The following KRABD4 variants were observed in gnomAD, a reference collection of about 807,000 sequenced individuals.
KRABD4 encodes KRAB domain-containing protein 4.
At chrX:46,448,045 A>G in the KRABD4 span, among the ~76,000 whole-genome samples, 1 of 112,036 alleles carries the variant, frequency 8.9e-6, no homozygotes, top group South Asian at 3.8e-4. Flanking sequence ...CTCACTGAGG[A>G]TAATTGAGCT....
the KRABD4 span, chrX:46,450,290 T>C: frequency 5.5e-6 from 2 of 363,278 alleles, no homozygotes; most frequent in South Asian, 1.9e-4. Context: ...CTTAGTAGAG[T>C]TTCATGGAAA....
chrX:46,455,044 T>A, the KRABD4 span: 1 of 369,113 alleles, frequency 2.7e-6, no homozygotes. Flanking sequence ...TTTACTATTT[T>A]CCTCTTCAGT....
the KRABD4 span, among the ~76,000 whole-genome samples, chrX:46,457,720 G>C: frequency 1.1e-4 from 8 of 73,047 alleles, no homozygotes; most frequent in East Asian, 3.7e-3. Context: ...TTTCTGTTTT[G>C]GGGTTTTTGT....
the KRABD4 span, among the ~76,000 whole-genome samples, chrX:46,451,296 A>G: frequency 9.0e-6 from 1 of 111,704 alleles, no homozygotes; most frequent in Non-Finnish European, 1.9e-5. Context: ...ATGTCAATTT[A>G]ATGAACCAAA....
the KRABD4 span, among the ~76,000 whole-genome samples, chrX:46,449,983 C>G: frequency 6.3e-5 from 7 of 111,219 alleles, no homozygotes; most frequent in Non-Finnish European, 7.5e-5. Context: ...TCTCGAACTC[C>G]TGGGCTCCAG....
At chrX:46,462,488 C>A in the KRABD4 span, 5 of 359,296 alleles carry the variant, frequency 1.4e-5, no homozygotes, top group Non-Finnish European at 2.3e-5. Flanking sequence ...CCAGCCTGGG[C>A]GACAGAGCAA....
chrX:46,449,954 G>C, the KRABD4 span, among the ~76,000 whole-genome samples: 227 of 110,482 alleles, frequency 2.1e-3, 2 homozygotes, highest in Non-Finnish European at 2.4e-3. Flanking sequence ...ATGGGGTTTC[G>C]CCATGTTGCC....
At chrX:46,454,330 C>T in the KRABD4 span, 5 of 117,395 alleles carry the variant, frequency 4.3e-5, no homozygotes, top group East Asian at 7.3e-4. Flanking sequence ...TGAGATTCAT[C>T]TTCGCCCTCA....
chrX:46,464,810 A>G, the KRABD4 span, among the ~76,000 whole-genome samples: 1 of 112,084 alleles, frequency 8.9e-6, no homozygotes, highest in African/African-American at 3.2e-5. Context: ...CTGAGTCCCA[A>G]TTCCCTAAGA....
At chrX:46,464,823 A>C in the KRABD4 span, among the ~76,000 whole-genome samples, 1 of 111,910 alleles carries the variant, frequency 8.9e-6, no homozygotes, top group South Asian at 3.7e-4. Context: ...CCCTAAGAAA[A>C]ACTATATTAT....
the KRABD4 span, among the ~76,000 whole-genome samples, chrX:46,463,991 C>T: frequency 3.3e-3 from 360 of 109,388 alleles, no homozygotes; most frequent in African/African-American, 0.012. Context: ...TTATCAGATT[C>T]CTCCATTTTT....
the KRABD4 span, chrX:46,450,425 T>C: frequency 1.7e-6 from 2 of 1,189,889 alleles, no homozygotes; most frequent in Non-Finnish European, 2.3e-6. Flanking sequence ...AATTTTGCCT[T>C]TATAGATCTC....
chrX:46,473,391 T>G, the KRABD4 span: 3 of 1,197,433 alleles, frequency 2.5e-6, no homozygotes, highest in Non-Finnish European at 3.4e-6. Flanking sequence ...TGATTAAACA[T>G]AAGAAAATTC....
At chrX:46,463,364 G>A in the KRABD4 span, 2 of 1,040,102 alleles carry the variant, frequency 1.9e-6, no homozygotes, top group Admixed American at 4.4e-5. Flanking sequence ...TGGCCTCTGG[G>A]ATGTGCTCAG....
At chrX:46,472,900 A>G in the KRABD4 span, 1,040 of 1,210,249 alleles carry the variant, frequency 8.6e-4, 4 homozygotes, top group African/African-American at 0.016. Flanking sequence ...CTGAGCACAG[A>G]ATTTGATTCT....
chrX:46,471,617 T>C, the KRABD4 span, among the ~76,000 whole-genome samples: 7 of 112,013 alleles, frequency 6.2e-5, no homozygotes, highest in Non-Finnish European at 1.9e-5. Context: ...AAAAATCCCC[T>C]GTGCTTTGCT....
the KRABD4 span, chrX:46,472,515 T>G: frequency 5.8e-6 from 2 of 346,726 alleles, no homozygotes; most frequent in Non-Finnish European, 9.8e-6. Context: ...ATAAATTTAT[T>G]TTCTGGTTTG....
At chrX:46,457,067 G>T in the KRABD4 span, 2 of 353,579 alleles carry the variant, frequency 5.7e-6, no homozygotes, top group Non-Finnish European at 1.0e-5. Context: ...GGCTTTTGTT[G>T]TCCCTCCGTG....
At chrX:46,472,965 T>C in the KRABD4 span, 37 of 1,209,911 alleles carry the variant, frequency 3.1e-5, no homozygotes, top group Middle Eastern at 4.6e-4. Flanking sequence ...CAAAACATCA[T>C]TTAAACTTTC....
Sources: allele counts gnomAD v4.1 joint callset (sites outside exome capture counted in the v4.1 genomes callset), GRCh38; gene constraint gnomAD v4.1.1; transcripts MANE v1.5; gene names NCBI Gene and HGNC (gene_info 2026-07-23, HGNC 2026-07-21).